The following DGKB variants were observed in gnomAD, a reference collection of about 807,000 sequenced individuals.
The protein encoded by DGKB is diacylglycerol kinase beta, also known as 90 kDa diacylglycerol kinase.
In DGKB, 67 loss-of-function variants were observed where a neutral mutation model predicts 114.3. That is an observed-to-expected ratio of 0.59 (90% CI 0.48 to 0.72). The LOEUF (loss-of-function observed/expected upper bound fraction) is 0.72. DGKB is among the 30% of genes least tolerant of loss of function. The pLI, the probability that DGKB is intolerant of heterozygous loss-of-function variation, is 0.00. For missense variants in DGKB, 907 were observed against 975.2 expected (o/e 0.93, Z 0.93); for synonymous variants, 398 against 323.1 (o/e 1.23, Z -2.49).
intron 1 of DGKB, among the ~76,000 whole-genome samples, chr7:14,972,170 G>A (rs977119345): frequency 2.0e-5 from 3 of 152,192 alleles, no homozygotes; most frequent in East Asian, 3.9e-4. Flanking sequence ...ATTCACAAGT[G>A]CCATTTTCAC....
At chr7:14,700,183 C>T (rs79595196) in intron 7 of DGKB, among the ~76,000 whole-genome samples, 1,732 of 150,646 alleles carry the variant, frequency 0.011, 30 homozygotes, top group African/African-American at 0.04. Flanking sequence ...GACCACTAGG[C>T]ACTTAAAAAT....
intron 21 of DGKB, among the ~76,000 whole-genome samples, chr7:14,384,667 A>C (rs1387639768): frequency 1.3e-5 from 2 of 152,234 alleles, no homozygotes; most frequent in African/African-American, 4.8e-5. Context: ...TTCCTAAAGA[A>C]TGGCAAATTC....
At chr7:14,674,782 G>A (rs1211538676) in intron 12 of DGKB, among the ~76,000 whole-genome samples, 1 of 152,002 alleles carries the variant, frequency 6.6e-6, no homozygotes, top group Non-Finnish European at 1.5e-5. Context: ...AGAATTCCAG[G>A]GATTGCTGGC....
At chr7:14,347,285 A>G (rs977327338) in intron 21 of DGKB, among the ~76,000 whole-genome samples, 1 of 152,022 alleles carries the variant, frequency 6.6e-6, no homozygotes, top group Non-Finnish European at 1.5e-5. Context: ...AAAATACCTC[A>G]GATAACAAGC....
intron 2 of DGKB, among the ~76,000 whole-genome samples, chr7:14,819,553 G>C (rs1844624262): frequency 6.6e-6 from 1 of 152,056 alleles, no homozygotes; most frequent in Non-Finnish European, 1.5e-5. Context: ...TCACACCACT[G>C]CACTCCAGCA....
intron 23 of DGKB, among the ~76,000 whole-genome samples, chr7:14,189,961 G>T (rs1367047062): frequency 6.6e-6 from 1 of 151,854 alleles, no homozygotes; most frequent in Non-Finnish European, 1.5e-5. Context: ...AAATAGTAGG[G>T]GATTACACCC....
At chr7:14,740,906 C>CT (rs1832493631) in intron 4 of DGKB, among the ~76,000 whole-genome samples, 1 of 152,158 alleles carries the variant, frequency 6.6e-6, no homozygotes, top group Non-Finnish European at 1.5e-5. Flanking sequence ...AAAGAGGAAG[C>CT]TTTTTCCTTC....
At chr7:14,349,358 T>C (rs139248750) in intron 21 of DGKB, among the ~76,000 whole-genome samples, 21 of 152,248 alleles carry the variant, frequency 1.4e-4, no homozygotes, top group Admixed American at 5.9e-4. Flanking sequence ...TAATGTACAC[T>C]GTATCATAGT....
At chr7:14,530,823 A>ATTCTATACAAGAAC (rs1263490561) in intron 20 of DGKB, among the ~76,000 whole-genome samples, 1 of 151,602 alleles carries the variant, frequency 6.6e-6, no homozygotes, top group Non-Finnish European at 1.5e-5. Context: ...TCTATAAGAC[A>ATTCTATACAAGAAC]AAGATGCTAG....
chr7:14,301,855 C>T (rs147047508), intron 23 of DGKB, among the ~76,000 whole-genome samples: 1 of 152,078 alleles, frequency 6.6e-6, no homozygotes, highest in Non-Finnish European at 1.5e-5. Context: ...GTGTACAGTG[C>T]TTTTGTCAGA....
At chr7:14,166,096 T>G (rs1784573808) in intron 25 of DGKB, among the ~76,000 whole-genome samples, 1 of 152,216 alleles carries the variant, frequency 6.6e-6, no homozygotes, top group African/African-American at 2.4e-5. Context: ...TCTAAAAGTG[T>G]CTTATACTAA....
intron 23 of DGKB, among the ~76,000 whole-genome samples, chr7:14,278,595 G>A (rs1011539605): frequency 6.6e-6 from 1 of 152,088 alleles, no homozygotes; most frequent in African/African-American, 2.4e-5. Context: ...GATTTTTGGG[G>A]ATATGACCCC....
chr7:14,943,422 T>A (rs186041424), intron 1 of DGKB, among the ~76,000 whole-genome samples: 1 of 151,976 alleles, frequency 6.6e-6, no homozygotes, highest in Non-Finnish European at 1.5e-5. Context: ...CAGACACTTA[T>A]TGAATAGACA....
At chr7:14,845,809 T>G (rs1011800703) in intron 1 of DGKB, among the ~76,000 whole-genome samples, 2 of 152,006 alleles carry the variant, frequency 1.3e-5, no homozygotes, top group African/African-American at 2.4e-5. Context: ...ACATCCATTT[T>G]CTTCAACTGA....
chr7:14,685,706 T>C (rs1336811558), intron 9 of DGKB, among the ~76,000 whole-genome samples: 1 of 151,844 alleles, frequency 6.6e-6, no homozygotes, highest in African/African-American at 2.4e-5. Context: ...CATAAACAAA[T>C]AAATAAATAA....
In DGKB at chr7:14,330,115, G is replaced by A. The variant is rs937614888; in HGVS notation, c.2122+8400C>T. On this transcript the variant is annotated intron_variant, in intron 23 of 25. Coordinates refer to ENST00000402815, the MANE Select transcript of DGKB (RefSeq NM_001350709.2). ...AAAATCAATAGCTAGAAATATAGAA[G>A]GGTTTTAGAATAGCATGTAGAATTT... Among the ~76,000 whole-genome samples, 19 of 151,864 alleles carry A rather than the reference G, an allele frequency of 1.3e-4. No individual in the cohort carries two copies. The South Asian group carries it at 1.7e-3, about 13-fold the overall frequency.
rs192861756 is a variant in DGKB, at chr7:14,841,190, T to C, written c.70+4A>G. 8,569 of 1,609,674 alleles carry C rather than the reference T, an allele frequency of 5.3e-3. 31 individuals are homozygous for C. Among genetic ancestry groups the C allele is most frequent in the Non-Finnish European group, 6.5e-3 (7,638 of 1,176,998 alleles). ...AATCTCATAATATCAATATGAATACTTACACTCAGCATATTTCTGAAGTTG... is the reference window on the plus strand; with the variant it reads ...AATCTCATAATATCAATATGAATACCTACACTCAGCATATTTCTGAAGTTG... On this transcript the variant is annotated splice_donor_region_variant and intron_variant, in intron 2 of 25. Coordinates refer to ENST00000402815, the MANE Select transcript of DGKB (RefSeq NM_001350709.2).
intron 20 of DGKB, among the ~76,000 whole-genome samples, chr7:14,565,158 C>T (rs1797209232): frequency 6.6e-6 from 1 of 152,086 alleles, no homozygotes; most frequent in Admixed American, 6.6e-5. Flanking sequence ...AAGAGGTTTG[C>T]ATTGGGCTTT....
chr7:14,891,555 T>C (rs1192131688), intron 1 of DGKB, among the ~76,000 whole-genome samples: 1 of 151,450 alleles, frequency 6.6e-6, no homozygotes, highest in Non-Finnish European at 1.5e-5. Context: ...CAATAGGTAT[T>C]GCTGAAGAGA....
Sources: allele counts gnomAD v4.1 joint callset (sites outside exome capture counted in the v4.1 genomes callset), GRCh38; gene constraint gnomAD v4.1.1; transcripts MANE v1.5; gene names NCBI Gene and HGNC (gene_info 2026-07-23, HGNC 2026-07-21).